The following COL9A3 variants were observed in gnomAD, a reference collection of about 807,000 sequenced individuals.
The protein encoded by COL9A3 is collagen alpha-3(IX) chain.
A neutral mutation model predicts 110.2 loss-of-function variants in COL9A3; 82 were observed. The observed-to-expected ratio is 0.74, with a 90% CI of 0.62 to 0.89. The LOEUF is 0.89. Among genes scored for constraint, COL9A3 ranks in the 40% least tolerant of loss-of-function variants. COL9A3 has a pLI of 0.00. For synonymous variants in COL9A3, 494 were observed against 403.8 expected, an observed-to-expected ratio of 1.22 and a Z score of -2.68; for missense variants, 1,066 against 981.3, an observed-to-expected ratio of 1.09 and a Z score of -1.15.
chr20:62,829,547 G>A (rs200534524), intron 20 of COL9A3, 48 bp downstream of exon 20: 20 of 1,608,216 alleles, frequency 1.2e-5, no homozygotes, highest in Middle Eastern at 1.7e-4. Context: ...GCGAGGGGCC[G>A]GGAGGCAAGG....
rs149805455 is a variant in COL9A3 at position 62,840,664 on chromosome 20, G to C, written c.1987G>C (p.Asp663His). The C allele has an allele frequency of 1.4e-5, 22 of 1,606,874 alleles. No individual in the cohort carries two copies. The highest frequency in any genetic ancestry group is 1.6e-5 in the Non-Finnish European group (19 of 1,177,184). The change falls in exon 32 of 32, where the codon GAC (aspartate) becomes CAC (histidine). Residue 663 changes from aspartate to histidine, a missense_variant. Transcript: ENST00000649368. ...IGAQGTPGIC[D>H]TSACQGAVLG... is the part of the protein sequence containing the mutation. The stretch of plus-strand genomic sequence containing the variant: ...GGCCCAGGGGACACCGGGGATCTGC[G>C]ACACCTCAGCCTGCCAAGGAGCCGT...
intron 16 of COL9A3, among the ~76,000 whole-genome samples, chr20:62,827,687 C>T (rs2063564972): frequency 6.6e-6 from 1 of 152,226 alleles, no homozygotes; most frequent in African/African-American, 2.4e-5. Flanking sequence ...GCCTCCACAC[C>T]TCCCTCGACT....
intron 24 of COL9A3, chr20:62,831,485 C>G (rs934860913): frequency 6.5e-6 from 1 of 154,900 alleles, no homozygotes; most frequent in Non-Finnish European, 1.4e-5. Context: ...GGGTGATGGC[C>G]GGGGCTGTGG....
intron 24 of COL9A3, 91 bp from the exon 25 acceptor site, chr20:62,832,062 TG>T: frequency 8.3e-7 from 1 of 1,210,782 alleles, no homozygotes; most frequent in Non-Finnish European, 1.2e-6. Context: ...GATGGAGATG[TG>T]GGGAGGTGTT....
chr20:62,819,800 C>G, intron 4 of COL9A3, 129 bp from the exon 5 acceptor site: 1 of 1,008,472 alleles, frequency 9.9e-7, no homozygotes, highest in Non-Finnish European at 1.5e-6. Context: ...AGAGAGGAGG[C>G]TGCCACCCTA....
At chr20:62,837,372 C>T (rs953995260) in intron 30 of COL9A3, 107 bp downstream of exon 30, 3 of 1,254,818 alleles carry the variant, frequency 2.4e-6, no homozygotes, top group African/African-American at 3.0e-5. Context: ...CAGGGGTAAC[C>T]CCTGGAACGT....
chr20:62,827,913 T>C lies in COL9A3; in HGVS notation c.847-10T>C. ...ACTGCCACTGCTTCTGTCACTTGTGTGTCCTCTAGGGCAGACCTGGTCCCA... is the reference window on the plus strand; with the variant it reads ...ACTGCCACTGCTTCTGTCACTTGTGCGTCCTCTAGGGCAGACCTGGTCCCA... On this transcript the variant is annotated splice_polypyrimidine_tract_variant and intron_variant, in intron 16 of 31. Transcript: ENST00000649368. 1 of 1,612,932 alleles carries C rather than the reference T, an allele frequency of 6.2e-7. No homozygotes were observed. The highest frequency in any genetic ancestry group is 8.5e-7 in the Non-Finnish European group (1 of 1,179,966).
chr20:62,825,691 C>A, intron 12 of COL9A3, 126 bp from the exon 13 acceptor site: 1 of 986,176 alleles, frequency 1.0e-6, no homozygotes, highest in Non-Finnish European at 1.6e-6. Flanking sequence ...CACAGAGCCT[C>A]CAAGGCCCAG....
intron 12 of COL9A3, chr20:62,825,534 A>G (rs1358585716): frequency 1.8e-6 from 1 of 559,420 alleles, no homozygotes; most frequent in Non-Finnish European, 3.2e-6. Context: ...CCAGGTGCAC[A>G]TCAGAGGGGT....
At chr20:62,820,384 G>C (rs938558228) in intron 5 of COL9A3, among the ~76,000 whole-genome samples, 4 of 151,954 alleles carry the variant, frequency 2.6e-5, no homozygotes, top group Admixed American at 2.6e-4. Context: ...CTGACGGAGC[G>C]GCACCACCAC....
At chr20:62,838,636 C>G (rs915986493) in intron 30 of COL9A3, 48 bp from the exon 31 acceptor site, 2 of 1,491,964 alleles carry the variant, frequency 1.3e-6, no homozygotes, top group African/African-American at 2.8e-5. Context: ...TGTGGTGTGG[C>G]TGCAACAGAT....
chr20:62,831,999 C>T (rs2063600760), intron 24 of COL9A3, 155 bp from the exon 25 acceptor site: 4 of 797,718 alleles, frequency 5.0e-6, no homozygotes, highest in South Asian at 4.3e-5. Context: ...TGAGCTTGGC[C>T]TTTGGGCCTG....
At position 62,835,903 on chromosome 20, in the gene COL9A3, C is replaced by A. The variant is rs1237922275; in HGVS notation, c.1369-18C>A. On this transcript the variant is annotated intron_variant, in intron 26 of 31. Coordinates refer to ENST00000649368, the MANE Select transcript of COL9A3 (RefSeq NM_001853.4). Reference sequence around the variant, plus strand: ...CAACAATACACTTAGTTCAAACACACAACTTTTCTCTTCACAGGGTCCCAG... The same window carrying A: ...CAACAATACACTTAGTTCAAACACAAAACTTTTCTCTTCACAGGGTCCCAG... 2 of 1,614,086 alleles carry A rather than the reference C, an allele frequency of 1.2e-6. No homozygotes were observed. Among genetic ancestry groups the A allele is most frequent in the Admixed American group, 1.7e-5 (1 of 60,006 alleles).
chr20:62,826,672 G>C, intron 14 of COL9A3, 95 bp from the exon 15 acceptor site: 1 of 1,363,310 alleles, frequency 7.3e-7, no homozygotes, highest in Non-Finnish European at 1.0e-6. Context: ...CTAGAGGAAG[G>C]GCTGCTTGTG....
At chr20:62,835,982 A>G in intron 27 of COL9A3, 29 bp downstream of exon 27, 1 of 1,614,150 alleles carries the variant, frequency 6.2e-7, no homozygotes, top group South Asian at 1.1e-5. Flanking sequence ...TTCCGATGAC[A>G]CCATCCATGG....
chr20:62,821,608 G>A (rs546271373), intron 7 of COL9A3, 78 bp downstream of exon 7: 80 of 1,598,072 alleles, frequency 5.0e-5, no homozygotes, highest in Non-Finnish European at 5.9e-5. Flanking sequence ...GTCCCAAACC[G>A]TGCCTGGGGG....
Position 62,822,571 on chromosome 20 carries a change from G to A in COL9A3, c.478-20G>A, listed in dbSNP as rs539694904. 25 of 1,611,976 alleles carry A rather than the reference G, an allele frequency of 1.6e-5. No homozygotes were observed. The South Asian group carries it at 2.6e-4, about 17-fold the overall frequency. On this transcript the variant is annotated intron_variant, in intron 9 of 31. Coordinates refer to ENST00000649368, the MANE Select transcript of COL9A3 (RefSeq NM_001853.4). ...GGCTGGGGAGGGCGGGAGAATGTCA[G>A]CTGTCTCTTTTTGTCTTAGGGACAC... is the stretch of plus-strand genomic sequence containing the variant.
chr20:62,835,782 C>T (rs894908571), intron 26 of COL9A3, 139 bp from the exon 27 acceptor site: 14 of 863,854 alleles, frequency 1.6e-5, no homozygotes, highest in African/African-American at 5.0e-5. Flanking sequence ...TATAGAAGAA[C>T]GGAAGGAACC....
intron 26 of COL9A3, among the ~76,000 whole-genome samples, chr20:62,833,432 C>G: frequency 6.6e-6 from 1 of 152,184 alleles, no homozygotes. Context: ...TGAGACGAGT[C>G]TCACTCTGTC....
Sources: gnomAD v4.1 joint callset for allele counts (sites outside exome capture counted in the v4.1 genomes callset) on GRCh38, gnomAD v4.1.1 for gene constraint, MANE v1.5 for transcripts, NCBI Gene and HGNC (gene_info 2026-07-23, HGNC 2026-07-21) for gene names.